Variants in SLC4A10 observed in about 807,000 individuals in gnomAD.
The protein encoded by SLC4A10 is sodium-driven chloride bicarbonate exchanger.
A neutral mutation model predicts 137.7 loss-of-function variants in SLC4A10; 42 were observed. That is an observed-to-expected ratio of 0.30 (90% confidence interval 0.24 to 0.39). The LOEUF (loss-of-function observed/expected upper bound fraction) is 0.39, where lower values mean the gene tolerates loss of function less well. Among genes scored for constraint, SLC4A10 ranks in the 10% least tolerant of loss-of-function variants. The pLI is 1.00. For synonymous variants in SLC4A10, 474 were observed against 464.1 expected (o/e 1.02, Z -0.27); for missense variants, 925 against 1,355.0 (o/e 0.68, Z 4.98).
chr2:161,886,397 AAAG>A (rs1211670513), intron 10 of SLC4A10, among the ~76,000 whole-genome samples: 1 of 152,178 alleles, frequency 6.6e-6, no homozygotes, highest in Non-Finnish European at 1.5e-5. Flanking sequence ...ACGTACTTTT[AAAG>A]AAGTGTTGGT....
At chr2:161,915,025 C>G (rs755194821) in intron 15 of SLC4A10, among the ~76,000 whole-genome samples, 48 of 151,946 alleles carry the variant, frequency 3.2e-4, no homozygotes, top group Non-Finnish European at 4.1e-4. Flanking sequence ...TCTTTTTTAC[C>G]AATCAAATGT....
chr2:161,908,659 A>G (rs999755636), intron 15 of SLC4A10, among the ~76,000 whole-genome samples: 10 of 151,856 alleles, frequency 6.6e-5, no homozygotes, highest in Non-Finnish European at 1.0e-4. Flanking sequence ...GCCAGTTTGC[A>G]AAAACTAACA....
At chr2:161,780,048 C>G (rs113532899) in intron 2 of SLC4A10, among the ~76,000 whole-genome samples, 306 of 152,116 alleles carry the variant, frequency 2.0e-3, no homozygotes, top group African/African-American at 7.1e-3. Flanking sequence ...GAATGCCATT[C>G]ATATTACTGC....
intron 16 of SLC4A10, among the ~76,000 whole-genome samples, chr2:161,945,940 A>C (rs1406047192): frequency 3.3e-5 from 5 of 151,990 alleles, no homozygotes; most frequent in African/African-American, 1.2e-4. Flanking sequence ...TGTGTTTATC[A>C]TGGAACTTTT....
chr2:161,671,594 A>C (rs981527635), intron 1 of SLC4A10, among the ~76,000 whole-genome samples: 2 of 152,148 alleles, frequency 1.3e-5, no homozygotes, highest in Non-Finnish European at 2.9e-5. Context: ...TATGCTCACC[A>C]CCTGGGTGAC....
At chr2:161,826,227 A>C (rs1046774952) in intron 3 of SLC4A10, among the ~76,000 whole-genome samples, 1 of 152,188 alleles carries the variant, frequency 6.6e-6, no homozygotes, top group Non-Finnish European at 1.5e-5. Context: ...ACTTGTCATA[A>C]TTTCATAAGA....
At chr2:161,928,663 A>AT (rs1365503338) in intron 15 of SLC4A10, among the ~76,000 whole-genome samples, 1 of 150,674 alleles carries the variant, frequency 6.6e-6, no homozygotes, top group African/African-American at 2.4e-5. Context: ...AAAAAAAAAA[A>AT]AAAAAGTAGG....
At chr2:161,683,952 A>T (rs2041130744) in intron 1 of SLC4A10, among the ~76,000 whole-genome samples, 1 of 152,148 alleles carries the variant, frequency 6.6e-6, no homozygotes, top group Non-Finnish European at 1.5e-5. Flanking sequence ...GTACATTCAC[A>T]CTGTTATGCA....
At chr2:161,629,065 G>A (rs2033029518) in intron 1 of SLC4A10, among the ~76,000 whole-genome samples, 1 of 151,834 alleles carries the variant, frequency 6.6e-6, no homozygotes, top group Admixed American at 6.6e-5. Flanking sequence ...AGTGTATTAC[G>A]ATGGCCCGCA....
At chr2:161,855,233 C>A (rs2060035795) in intron 5 of SLC4A10, 103 bp downstream of exon 5, 4 of 1,062,732 alleles carry the variant, frequency 3.8e-6, no homozygotes, top group African/African-American at 1.6e-5. Context: ...AAAACTAATT[C>A]TCATAATCAC....
At chr2:161,900,840 GTTA>G in intron 11 of SLC4A10, 68 bp from the exon 12 acceptor site, 1 of 1,095,048 alleles carries the variant, frequency 9.1e-7, no homozygotes, top group Non-Finnish European at 1.3e-6. Flanking sequence ...AAAATGAACT[GTTA>G]TTATTATTTA....
chr2:161,965,217 A>G lies in SLC4A10; in HGVS notation c.3159+44A>G, dbSNP rs77009555. On this transcript the variant is annotated intron_variant, in intron 23 of 26. Coordinates refer to ENST00000446997, the MANE Select transcript of SLC4A10 (RefSeq NM_001178015.2). ...TTTTATAAAGAAAGAAAAAAGGAAC[A>G]TAGTAATATTTCTTTGCAAAACTAA... is the stretch of plus-strand genomic sequence containing the variant. 5,965 of 1,545,932 alleles carry G rather than the reference A, an allele frequency of 3.9e-3. 200 individuals carry two copies. The East Asian group carries it at 0.083, about 21-fold the overall frequency.
At chr2:161,646,974 G>A (rs911119536) in intron 1 of SLC4A10, among the ~76,000 whole-genome samples, 12 of 151,816 alleles carry the variant, frequency 7.9e-5, no homozygotes, top group Admixed American at 1.3e-4. Context: ...TCATTTATTC[G>A]CAGTTCTAAA....
In SLC4A10 at chr2:161,855,127, G is replaced by T; in HGVS notation, c.574G>T (p.Ala192Ser). The change falls in exon 5 of 27, where the codon GCA becomes TCA. Residue 192 changes from alanine to serine, a missense_variant. Transcript: ENST00000446997. ...GCATGCCAACACTTTAGAAGAAATT[G>T]CAGGTATATCTTTTCCCCCTTAGTG... ...DMHANTLEEI[A>S]DMVLDQQVSS... 2 of 1,606,702 alleles carry T rather than the reference G, an allele frequency of 1.2e-6. No homozygotes were observed. Among genetic ancestry groups the T allele is most frequent in the South Asian group, 2.2e-5 (2 of 89,556 alleles).
At chr2:161,784,003 C>G (rs553815901) in intron 2 of SLC4A10, among the ~76,000 whole-genome samples, 1 of 151,758 alleles carries the variant, frequency 6.6e-6, no homozygotes, top group Non-Finnish European at 1.5e-5. Context: ...TATCAAGAGA[C>G]TCCCTTTAGA....
intron 21 of SLC4A10, among the ~76,000 whole-genome samples, chr2:161,963,831 T>C (rs1383330874): frequency 1.3e-5 from 2 of 152,188 alleles, no homozygotes; most frequent in Non-Finnish European, 2.9e-5. Context: ...TGGTTAATTA[T>C]GTTTTGCTTC....
intron 2 of SLC4A10, among the ~76,000 whole-genome samples, chr2:161,786,287 C>G (rs1454433881): frequency 5.3e-5 from 8 of 151,766 alleles, no homozygotes; most frequent in Admixed American, 1.3e-4. Flanking sequence ...CCTTTCTCCA[C>G]TCCTTTACTT....
intron 3 of SLC4A10, among the ~76,000 whole-genome samples, chr2:161,818,343 CTTG>C (rs1190063349): frequency 6.6e-6 from 1 of 152,070 alleles, no homozygotes; most frequent in African/African-American, 2.4e-5. Context: ...TATCCTGAGA[CTTG>C]TTGTAGTTGC....
At chr2:161,902,236 C>A (rs990410027) in intron 12 of SLC4A10, 53 of 297,662 alleles carry the variant, frequency 1.8e-4, no homozygotes, top group Non-Finnish European at 3.1e-4. Flanking sequence ...ACTATAACAA[C>A]TATTCAGACT....
Sources: gnomAD v4.1 joint callset for allele counts (sites outside exome capture counted in the v4.1 genomes callset) on GRCh38, gnomAD v4.1.1 for gene constraint, MANE v1.5 for transcripts, NCBI Gene and HGNC (gene_info 2026-07-23, HGNC 2026-07-21) for gene names.